The following ASTN1 variants were observed in gnomAD, a reference collection of about 807,000 sequenced individuals.
The protein encoded by ASTN1 is astrotactin-1.
A neutral mutation model predicts 140.7 loss-of-function variants in ASTN1; 41 were observed. The observed-to-expected ratio is 0.29, with a 90% confidence interval of 0.23 to 0.38. The LOEUF is 0.38. ASTN1 is among the 10% of genes least tolerant of loss of function. ASTN1 has a pLI of 1.00. For missense variants in ASTN1, 1,479 were observed against 1,678.8 expected, an observed-to-expected ratio of 0.88 and a Z score of 2.08; for synonymous variants, 640 against 652.2, an observed-to-expected ratio of 0.98 and a Z score of 0.29.
intron 1 of ASTN1, among the ~76,000 whole-genome samples, chr1:177,125,699 C>T (rs1681606578): frequency 1.3e-5 from 2 of 152,190 alleles, no homozygotes. Context: ...ACACGAAGGA[C>T]ATTACTGTAT....
chr1:177,117,347 T>C (rs1049236829), intron 1 of ASTN1, among the ~76,000 whole-genome samples: 3 of 152,162 alleles, frequency 2.0e-5, no homozygotes, highest in African/African-American at 7.2e-5. Flanking sequence ...TAGAATCTCC[T>C]GCATGAAACC....
intron 16 of ASTN1, among the ~76,000 whole-genome samples, chr1:176,918,432 C>T (rs1670583529): frequency 2.6e-5 from 4 of 152,154 alleles, no homozygotes; most frequent in Admixed American, 2.6e-4. Flanking sequence ...GACAGGCCTA[C>T]ATGAAGCTCT....
chr1:177,002,225 TA>T (rs1558023209), intron 8 of ASTN1, among the ~76,000 whole-genome samples: 2 of 152,058 alleles, frequency 1.3e-5, no homozygotes, highest in African/African-American at 4.8e-5. Flanking sequence ...AGAAGGGCCA[TA>T]AAGGAAGGAA....
chr1:177,037,701 A>G (rs999014765), intron 2 of ASTN1, among the ~76,000 whole-genome samples: 2 of 152,214 alleles, frequency 1.3e-5, no homozygotes, highest in African/African-American at 4.8e-5. Flanking sequence ...TGCTTTGCTC[A>G]TTATTCATCT....
downstream of ASTN1, among the ~76,000 whole-genome samples, chr1:176,859,549 C>T (rs1423974021): frequency 2.6e-5 from 4 of 152,286 alleles, no homozygotes. Context: ...TTTTGGGAGG[C>T]CAAGGCAGGT....
intron 17 of ASTN1, among the ~76,000 whole-genome samples, chr1:176,888,936 C>A (rs1669152197): frequency 6.6e-6 from 1 of 152,156 alleles, no homozygotes; most frequent in Non-Finnish European, 1.5e-5. Context: ...ATAATTAAAT[C>A]TAATAATATG....
intron 3 of ASTN1, among the ~76,000 whole-genome samples, chr1:177,032,154 G>T (rs1676473247): frequency 6.6e-6 from 1 of 152,136 alleles, no homozygotes; most frequent in East Asian, 1.9e-4. Context: ...ATTTCCCAGA[G>T]GGTTGCTCAT....
intron 8 of ASTN1, among the ~76,000 whole-genome samples, chr1:176,965,758 A>G (rs1381109648): frequency 2.0e-5 from 3 of 152,214 alleles, no homozygotes; most frequent in African/African-American, 7.2e-5. Flanking sequence ...CAGACCTCTT[A>G]GGCCAAAGAC....
chr1:177,084,367 A>G (rs1571759195), intron 1 of ASTN1, among the ~76,000 whole-genome samples: 1 of 152,168 alleles, frequency 6.6e-6, no homozygotes, highest in Non-Finnish European at 1.5e-5. Flanking sequence ...GGGTTTATGT[A>G]CCTTCCCAAT....
At chr1:177,143,670 T>G (rs1438829429) in intron 1 of ASTN1, among the ~76,000 whole-genome samples, 1 of 152,220 alleles carries the variant, frequency 6.6e-6, no homozygotes, top group East Asian at 1.9e-4. Context: ...TAAATAAAAT[T>G]TACTTTAAAT....
intron 4 of ASTN1, 77 bp from the exon 5 acceptor site, chr1:177,029,818 T>G: frequency 8.1e-6 from 11 of 1,362,100 alleles, no homozygotes; most frequent in Non-Finnish European, 1.1e-5. Context: ...GCAAGTTCAA[T>G]GGGAAAATCA....
In ASTN1 at chr1:177,143,773, T is replaced by A. The variant is rs371966943; in HGVS notation, c.283+20621A>T. 2.8e-3 allele frequency among the ~76,000 whole-genome samples: 421 copies of A among 152,254 alleles called. 2 individuals are homozygous for A. The highest frequency in any genetic ancestry group is 5.0e-3 in the South Asian group (24 of 4,826). ...TTTCTAATACATATATTTTCTAATA[T>A]ATGTTTAAATATTATAGTTTTAAAA... On this transcript the variant is annotated intron_variant, in intron 1 of 22. Transcript: ENST00000361833.
At chr1:177,091,426 C>T (rs944436148) in intron 1 of ASTN1, among the ~76,000 whole-genome samples, 1 of 152,102 alleles carries the variant, frequency 6.6e-6, no homozygotes, top group African/African-American at 2.4e-5. Flanking sequence ...TCAGATTCAG[C>T]CCATCTTTCC....
intron 1 of ASTN1, among the ~76,000 whole-genome samples, chr1:177,139,307 A>T (rs1682349735): frequency 6.6e-6 from 1 of 152,226 alleles, no homozygotes; most frequent in African/African-American, 2.4e-5. Context: ...GGGACTTTTG[A>T]TATAAGGGAT....
intron 1 of ASTN1, among the ~76,000 whole-genome samples, chr1:177,146,343 A>G (rs1682720904): frequency 6.6e-6 from 1 of 152,226 alleles, no homozygotes. Context: ...AATTATAGAT[A>G]TTCTTTAATA....
At chr1:177,028,297 G>A (rs1676233505) in intron 5 of ASTN1, among the ~76,000 whole-genome samples, 1 of 152,176 alleles carries the variant, frequency 6.6e-6, no homozygotes, top group Non-Finnish European at 1.5e-5. Context: ...TCTAAAATTT[G>A]TAATAAGTAT....
At chr1:177,141,073 G>A (rs547108834) in intron 1 of ASTN1, among the ~76,000 whole-genome samples, 17 of 152,018 alleles carry the variant, frequency 1.1e-4, no homozygotes, top group Non-Finnish European at 1.5e-4. Context: ...AAAATTAGCC[G>A]GACGTGGTGG....
chr1:177,031,910 G>T (rs1676463226), intron 3 of ASTN1, among the ~76,000 whole-genome samples: 1 of 152,138 alleles, frequency 6.6e-6, no homozygotes, highest in Non-Finnish European at 1.5e-5. Flanking sequence ...TGCATCTGGG[G>T]TCTGATACCA....
chr1:176,866,365 G>A (rs1668127709), intron 22 of ASTN1, among the ~76,000 whole-genome samples: 1 of 152,098 alleles, frequency 6.6e-6, no homozygotes, highest in Admixed American at 6.5e-5. Context: ...AATCATCTGG[G>A]GCAGATGATC....
Sources: allele counts gnomAD v4.1 joint callset (sites outside exome capture counted in the v4.1 genomes callset), GRCh38; gene constraint gnomAD v4.1.1; transcripts MANE v1.5; gene names NCBI Gene and HGNC (gene_info 2026-07-23, HGNC 2026-07-21).